The following CACNA1B variants were observed in gnomAD, a reference collection of about 807,000 sequenced individuals.
CACNA1B encodes voltage-dependent N-type calcium channel subunit alpha-1B.
Under a neutral mutation model 247.2 loss-of-function variants are expected in CACNA1B, and 70 were observed. The ratio of observed to expected loss-of-function variants is 0.28; its 90% confidence interval spans 0.23 to 0.35. CACNA1B has a LOEUF of 0.35. Among genes scored for constraint, CACNA1B ranks in the 10% least tolerant of loss-of-function variants. CACNA1B has a pLI of 1.00. For synonymous variants in CACNA1B, 1,231 were observed against 1,294.4 expected, an observed-to-expected ratio of 0.95 and a Z score of 1.05; for missense variants, 2,367 against 3,197.4, an observed-to-expected ratio of 0.74 and a Z score of 6.26.
At chr9:137,968,007 G>GT (rs1448161461) in intron 10 of CACNA1B, among the ~76,000 whole-genome samples, 2 of 152,186 alleles carry the variant, frequency 1.3e-5, no homozygotes, top group African/African-American at 4.8e-5. Flanking sequence ...CATCTGCTGA[G>GT]TGGTTTCCGA....
chr9:138,108,145 C>CT (rs1488964480), intron 39 of CACNA1B, among the ~76,000 whole-genome samples: 1 of 151,162 alleles, frequency 6.6e-6, no homozygotes, highest in Non-Finnish European at 1.5e-5. Context: ...GAGACCAGTC[C>CT]GGGCAACACA....
At position 138,073,646 on chromosome 9, in the gene CACNA1B, T is replaced by C; in HGVS notation, c.4791+42T>C. 8.8e-7 allele frequency: 1 copy of C among 1,130,618 alleles called. No homozygotes were observed. The highest frequency in any genetic ancestry group is 1.4e-6 in the Non-Finnish European group (1 of 740,240). The allele number at this position is 1,130,618 out of a possible 1,614,324, so 70.0% of individuals were successfully genotyped here. ...GCCTCCATGCTTTCTGTCCCCTTCC[T>C]CCGTCTTGCTTCCCCTGCCCCCACC... On this transcript the variant is annotated intron_variant, in intron 33 of 46. Coordinates refer to ENST00000371372, the MANE Select transcript of CACNA1B (RefSeq NM_000718.4). The surrounding 1 kb of genome is among the most constrained non-coding windows in gnomAD (Gnocchi z 6.4).
intron 6 of CACNA1B, among the ~76,000 whole-genome samples, chr9:137,947,842 T>G (rs1459209874): frequency 6.6e-6 from 1 of 152,152 alleles, no homozygotes; most frequent in Non-Finnish European, 1.5e-5. Flanking sequence ...CATTTTTTTC[T>G]GCTGCGTTCA....
intron 3 of CACNA1B, among the ~76,000 whole-genome samples, chr9:137,900,598 G>A (rs987524172): frequency 6.7e-6 from 1 of 149,836 alleles, no homozygotes; most frequent in African/African-American, 2.5e-5. Flanking sequence ...GTCCATGTCT[G>A]TGCCGTGTGT....
At chr9:137,915,793 C>T (rs1957403145) in intron 5 of CACNA1B, among the ~76,000 whole-genome samples, 2 of 149,362 alleles carry the variant, frequency 1.3e-5, no homozygotes, top group South Asian at 2.1e-4. Flanking sequence ...TAGTCATGGC[C>T]AGGTCATGAG....
intron 5 of CACNA1B, among the ~76,000 whole-genome samples, chr9:137,916,389 G>C (rs532035809): frequency 3.9e-5 from 6 of 152,224 alleles, no homozygotes; most frequent in South Asian, 2.1e-4. Context: ...GAGAGTGAAG[G>C]GGGTAAACGT....
intron 15 of CACNA1B, among the ~76,000 whole-genome samples, chr9:138,000,245 C>T (rs1003446516): frequency 4.0e-5 from 6 of 151,876 alleles, no homozygotes; most frequent in African/African-American, 1.2e-4. Context: ...ACTACAGGCG[C>T]CCGCCACTAC....
chr9:138,098,273 C>A (rs1404963298), intron 37 of CACNA1B, among the ~76,000 whole-genome samples: 1 of 152,174 alleles, frequency 6.6e-6, no homozygotes, highest in East Asian at 1.9e-4. Flanking sequence ...GACCTGTGGT[C>A]AAGTAAGCCC....
chr9:138,071,902 C>G (rs73669858), intron 32 of CACNA1B, among the ~76,000 whole-genome samples: 1 of 151,942 alleles, frequency 6.6e-6, no homozygotes, highest in African/African-American at 2.4e-5. Flanking sequence ...CTCCAACCCC[C>G]GGCTCTGCTT....
chr9:137,881,987 C>A lies in CACNA1B; in HGVS notation c.391-757C>A, dbSNP rs1241165383. Among the ~76,000 whole-genome samples, 1 of 152,216 alleles carries A rather than the reference C, an allele frequency of 6.6e-6. No homozygotes were observed. Among genetic ancestry groups the A allele is most frequent in the Non-Finnish European group, 1.5e-5 (1 of 68,030 alleles). On this transcript the variant is annotated intron_variant, in intron 2 of 46. Transcript: ENST00000371372. The surrounding 1 kb of genome is among the most constrained non-coding windows in gnomAD (Gnocchi z 4.3). Reference sequence around the variant, plus strand: ...TGGGAGGCTCCCTGCGGTCTGAGCCCAGGGTGGCTCCCAGCTTCAGGCTCA... The same window carrying A: ...TGGGAGGCTCCCTGCGGTCTGAGCCAAGGGTGGCTCCCAGCTTCAGGCTCA...
intron 15 of CACNA1B, among the ~76,000 whole-genome samples, chr9:138,000,302 G>A (rs898744984): frequency 6.6e-5 from 10 of 152,210 alleles, no homozygotes; most frequent in South Asian, 4.2e-4. Flanking sequence ...GTTTCACCGT[G>A]TTAGCCAGGA....
At chr9:137,901,101 C>T (rs1957234093) in intron 3 of CACNA1B, among the ~76,000 whole-genome samples, 1 of 143,376 alleles carries the variant, frequency 7.0e-6, no homozygotes, top group South Asian at 2.3e-4. Flanking sequence ...GTCTGTGTGT[C>T]CTTGTGTCTG....
chr9:138,112,555 C>A, intron 40 of CACNA1B, 50 bp downstream of exon 40: 1 of 1,246,966 alleles, frequency 8.0e-7, no homozygotes, highest in Non-Finnish European at 1.2e-6. Flanking sequence ...TACTGTCCCA[C>A]CCAGAGTGGC....
In CACNA1B at chr9:137,955,902, T is replaced by C. The variant is rs766355671; in HGVS notation, c.1186+89T>C. The C allele has an allele frequency of 1.1e-6, 1 of 874,790 alleles. No homozygotes were observed. 54.2% of individuals were successfully genotyped at this position (874,790 alleles called of 1,614,324 possible). ...TGCTCTGCTGCCAGCTGGGGTGCCC[T>C]GGCTGCTGGGTAGAGCCTGAAGGGA... is the stretch of plus-strand genomic sequence containing the variant. On this transcript the variant is annotated intron_variant, in intron 8 of 46. Transcript: ENST00000371372. The surrounding 1 kb of genome is among the most constrained non-coding windows in gnomAD (Gnocchi z 6.9).
intron 20 of CACNA1B, among the ~76,000 whole-genome samples, chr9:138,030,081 C>A (rs1413616399): frequency 6.6e-6 from 1 of 152,144 alleles, no homozygotes; most frequent in Non-Finnish European, 1.5e-5. Context: ...CCTGTCTTCC[C>A]TTATTGCACT....
rs1959267871 is a variant in CACNA1B, at chr9:138,051,317, C to G, written c.3711-775C>G. 6.6e-6 allele frequency among the ~76,000 whole-genome samples: 1 copy of G among 151,816 alleles called. No individual in the cohort carries two copies. Among genetic ancestry groups the G allele is most frequent in the Admixed American group, 6.6e-5 (1 of 15,246 alleles). Reference sequence around the variant, plus strand: ...TCTTGGAGGGGCCCTGATTGAGGCCCTCTGGTTCTGTACTTCTGCTTGCTT... The same window carrying G: ...TCTTGGAGGGGCCCTGATTGAGGCCGTCTGGTTCTGTACTTCTGCTTGCTT... On this transcript the variant is annotated intron_variant, in intron 24 of 46. Transcript: ENST00000371372. The surrounding 1 kb of genome is among the most constrained non-coding windows in gnomAD (Gnocchi z 4.3).
chr9:137,925,662 C>A (rs1429144131), intron 6 of CACNA1B, among the ~76,000 whole-genome samples: 2 of 151,786 alleles, frequency 1.3e-5, no homozygotes, highest in Non-Finnish European at 2.9e-5. Context: ...AATTTGCAAA[C>A]AGAAACAGTT....
Position 138,102,973 on chromosome 9 carries a change from C to G in CACNA1B, c.5319+166C>G, listed in dbSNP as rs1961303967. On this transcript the variant is annotated intron_variant, in intron 38 of 46. Coordinates refer to ENST00000371372, the MANE Select transcript of CACNA1B (RefSeq NM_000718.4). This position sits in a 1 kb window ranked among gnomAD's most constrained non-coding sequence, Gnocchi z 5.4. ...ACTGTGTCTTTCTCTTCAGCCCCAT[C>G]CCAGCTTCCTTCCCAGACAGAGGGA... Among the ~76,000 whole-genome samples, 1 of 152,196 alleles carries G rather than the reference C, an allele frequency of 6.6e-6. No homozygotes were observed. The highest frequency in any genetic ancestry group is 1.5e-5 in the Non-Finnish European group (1 of 68,028).
At chr9:137,935,731 C>T (rs1469446698) in intron 6 of CACNA1B, among the ~76,000 whole-genome samples, 4 of 152,258 alleles carry the variant, frequency 2.6e-5, no homozygotes, top group Non-Finnish European at 4.4e-5. Context: ...AGTGTAAAAG[C>T]GTTCCTATTG....
Sources: allele counts gnomAD v4.1 joint callset (sites outside exome capture counted in the v4.1 genomes callset), GRCh38; gene constraint gnomAD v4.1.1; non-coding constraint Gnocchi (gnomAD v3.1); transcripts MANE v1.5; gene names NCBI Gene and HGNC (gene_info 2026-07-23, HGNC 2026-07-21).